G2E3: variants seen among roughly 807,000 people sequenced by gnomAD.
G2E3 encodes G2/M-phase specific E3 ubiquitin protein ligase.
A neutral mutation model predicts 92.8 loss-of-function variants in G2E3; 35 were observed. The ratio of observed to expected loss-of-function variants is 0.38; its 90% CI spans 0.29 to 0.50. G2E3 has a LOEUF of 0.50. Among genes scored for constraint, G2E3 ranks in the 20% least tolerant of loss-of-function variants. The pLI is 0.94. For missense variants in G2E3, 554 were observed against 823.8 expected (o/e 0.67, Z 4.01); for synonymous variants, 242 against 272.4 (o/e 0.89, Z 1.10).
At position 30,605,748 on chromosome 14, in the gene G2E3, A is replaced by G. The variant is rs371061212; in HGVS notation, c.1254A>G (p.Gln418=). 5 of 1,605,256 alleles carry G rather than the reference A, an allele frequency of 3.1e-6. No homozygotes were observed. Among genetic ancestry groups the G allele is most frequent in the Admixed American group, 1.7e-5 (1 of 58,684 alleles). The change falls in exon 11 of 15, where the codon CAA becomes CAG. Residue 418 remains glutamine (Q), a synonymous_variant. Transcript: ENST00000206595. ...AAGAATTTCTGAGTCTCTTAATGCA[A>G]CATCTTGAGAACTCATCATTGTTTG... ...SKQEFLSLLM[Q]HLENSSLFEG...
chr14:30,566,244 C>T (rs943734347), intron 1 of G2E3, among the ~76,000 whole-genome samples: 4 of 152,094 alleles, frequency 2.6e-5, no homozygotes, highest in Non-Finnish European at 5.9e-5. Flanking sequence ...TTCAGGATCC[C>T]TTGCAGTTTA....
At chr14:30,583,483 CATAGAAACGGT>C (rs1178412411) in intron 2 of G2E3, among the ~76,000 whole-genome samples, 1 of 152,118 alleles carries the variant, frequency 6.6e-6, no homozygotes, top group East Asian at 1.9e-4. Context: ...AAGTCAAACT[CATAGAAACGGT>C]ATAGTGCTGG....
chr14:30,598,529 C>G lies in G2E3; in HGVS notation c.682C>G (p.Gln228Glu), dbSNP rs756089935. ...GGAAAACGCTTATCAAGAGCTTCTG[C>G]AGCACTATGAGCGTTGTGATGTTCG... ...LEENAYQELLQHYERCDVRRC... is the reference protein window; with the variant it reads ...LEENAYQELLEHYERCDVRRC... The change falls in exon 8 of 15, where the codon CAG (glutamine) becomes GAG (glutamate). Residue 228 changes from glutamine (Q) to glutamate (E), a missense_variant. Gln to Glu is a conservative substitution (Grantham distance 29). Coordinates refer to ENST00000206595, the MANE Select transcript of G2E3 (RefSeq NM_017769.5). The G allele has an allele frequency of 6.2e-7, 1 of 1,613,766 alleles. No individual in the cohort carries two copies. The highest frequency in any genetic ancestry group is 1.7e-5 in the Admixed American group (1 of 60,030).
intron 3 of G2E3, among the ~76,000 whole-genome samples, chr14:30,589,059 C>T (rs1343096791): frequency 3.9e-5 from 6 of 152,000 alleles, no homozygotes; most frequent in African/African-American, 1.4e-4. Context: ...GGTGTTCTTT[C>T]TTTCTTTTTT....
chr14:30,587,590 T>A (rs1191129148), intron 3 of G2E3, among the ~76,000 whole-genome samples: 1 of 152,190 alleles, frequency 6.6e-6, no homozygotes. Context: ...ATATTATCAT[T>A]GAGATGTCAG....
intron 8 of G2E3, among the ~76,000 whole-genome samples, 157 bp from the exon 9 acceptor site, chr14:30,601,613 T>C (rs142484814): frequency 4.5e-4 from 69 of 152,350 alleles, no homozygotes; most frequent in African/African-American, 1.6e-3. Context: ...ACATTAGAGA[T>C]ATTTAGAGAA....
chr14:30,564,753 TATA>T (rs1879332809), intron 1 of G2E3, among the ~76,000 whole-genome samples: 1 of 152,226 alleles, frequency 6.6e-6, no homozygotes, highest in South Asian at 2.1e-4. Context: ...CCTCATTTAA[TATA>T]ATGTTTTCAA....
intron 6 of G2E3, among the ~76,000 whole-genome samples, chr14:30,596,129 G>GGTGTGTGTGTGTGT (rs1031987606): frequency 1.9e-5 from 1 of 53,730 alleles, no homozygotes; most frequent in African/African-American, 5.8e-5. Flanking sequence ...TGGGTGGGTG[G>GGTGTGTGTGTGTGT]GTGTGCGTGT....
intron 6 of G2E3, 40 bp downstream of exon 6, chr14:30,593,679 A>C: frequency 7.3e-7 from 1 of 1,368,654 alleles, no homozygotes; most frequent in Non-Finnish European, 1.0e-6. Context: ...GATTGATATA[A>C]AATTATGGCT....
At chr14:30,599,224 CT>C (rs76536965) in intron 8 of G2E3, among the ~76,000 whole-genome samples, 35,684 of 151,506 alleles carry the variant, frequency 0.24, 4,583 homozygotes, top group East Asian at 0.47. Flanking sequence ...GTAATTACCT[CT>C]TTTTTTTGTT....
In G2E3 at chr14:30,617,715, TTC is replaced by T. The variant is rs1268031038; in HGVS notation, c.*1183_*1184del. 1 of 152,126 alleles carries T rather than the reference TTC, an allele frequency of 6.6e-6. No homozygotes were observed. The highest frequency in any genetic ancestry group is 1.9e-4 in the East Asian group (1 of 5,202). The allele number at this position is 152,126 out of a possible 1,614,324, so 9.4% of individuals were successfully genotyped here. A position where few individuals can be genotyped will look rare whatever the true frequency, so the allele number is the denominator to read the frequency against. ...GTGTATCCTTCTATAAACTCTTTAC[TTC>T]TGTTTCCTTTATTTTTTAACTTTAA... is the stretch of plus-strand genomic sequence containing the variant. On this transcript the variant is annotated 3_prime_UTR_variant, in exon 15 of 15. Coordinates refer to ENST00000206595, the MANE Select transcript of G2E3 (RefSeq NM_017769.5).
Position 30,605,535 on chromosome 14 carries a change from A to G in G2E3, c.1041A>G (p.Ser347=). The G allele has an allele frequency of 7.0e-7, 1 of 1,425,236 alleles. No individual in the cohort carries two copies. The highest frequency in any genetic ancestry group is 1.4e-5 in the African/African-American group (1 of 69,516). The allele number at this position is 1,425,236 out of a possible 1,614,324, so 88.3% of individuals were successfully genotyped here. The change falls in exon 11 of 15, where the codon TCA becomes TCG. Residue 347 remains serine, a synonymous_variant. Coordinates refer to ENST00000206595, the MANE Select transcript of G2E3 (RefSeq NM_017769.5). The stretch of plus-strand genomic sequence containing the variant: ...GCAGCAAATTTAGAAGAAATGTATC[A>G]ACACTATTAATAGAGTTAGGATTCC... The part of the protein sequence containing the change: ...RQGSKFRRNV[S]TLLIELGFQI...
intron 11 of G2E3, among the ~76,000 whole-genome samples, chr14:30,607,013 A>G (rs1881861235): frequency 6.6e-6 from 1 of 152,126 alleles, no homozygotes; most frequent in Admixed American, 6.5e-5. Flanking sequence ...AAATAAATAT[A>G]AACAAGAATA....
rs376971485 is a variant in G2E3 at position 30,598,910 on chromosome 14, T to G, written c.752+311T>G. Among the ~76,000 whole-genome samples the G allele has an allele frequency of 1.3e-4, 20 of 152,270 alleles. No individual in the cohort carries two copies. In the South Asian group the frequency reaches 2.9e-3, roughly 22 times the overall value. ...ATTTCCCTTTTCCAAATTGCAAGGGTGCTGTAAATACATACCAAAGACTTA... is the reference window on the plus strand; with the variant it reads ...ATTTCCCTTTTCCAAATTGCAAGGGGGCTGTAAATACATACCAAAGACTTA... On this transcript the variant is annotated intron_variant, in intron 8 of 14. Coordinates refer to ENST00000206595, the MANE Select transcript of G2E3 (RefSeq NM_017769.5).
chr14:30,559,833 C>A (rs1234306915), intron 1 of G2E3: 1 of 152,072 alleles, frequency 6.6e-6, no homozygotes, highest in East Asian at 1.9e-4. Context: ...AACTGAAATT[C>A]GAGTGTCCTT....
chr14:30,563,054 T>C (rs1470702509), intron 1 of G2E3, among the ~76,000 whole-genome samples: 1 of 152,104 alleles, frequency 6.6e-6, no homozygotes, highest in African/African-American at 2.4e-5. Flanking sequence ...CTGTCTTTTC[T>C]TTTATCTCTT....
At chr14:30,583,775 G>A (rs1880559121) in intron 2 of G2E3, among the ~76,000 whole-genome samples, 1 of 152,146 alleles carries the variant, frequency 6.6e-6, no homozygotes, top group Admixed American at 6.5e-5. Flanking sequence ...AGTATATACA[G>A]TTTTCTAAAA....
At chr14:30,559,722 T>C (rs1878976170) in intron 1 of G2E3, 1 of 152,232 alleles carries the variant, frequency 6.6e-6, no homozygotes, top group African/African-American at 2.4e-5. Flanking sequence ...AAAGATGCTC[T>C]ACGTGGCTCC....
intron 1 of G2E3, among the ~76,000 whole-genome samples, chr14:30,572,796 G>C (rs924947071): frequency 2.3e-4 from 35 of 151,378 alleles, no homozygotes; most frequent in Admixed American, 2.6e-4. Context: ...TTTATGTGTT[G>C]TTTCTAATTC....
Sources: gnomAD v4.1 joint callset for allele counts (sites outside exome capture counted in the v4.1 genomes callset) on GRCh38, gnomAD v4.1.1 for gene constraint, MANE v1.5 for transcripts, NCBI Gene and HGNC (gene_info 2026-07-23, HGNC 2026-07-21) for gene names.